ARHGEF37: variants seen among roughly 807,000 people sequenced by gnomAD.
ARHGEF37 encodes the protein Rho guanine nucleotide exchange factor (GEF) 37.
In ARHGEF37, 55 loss-of-function variants were observed where a neutral mutation model predicts 71.1. The observed-to-expected ratio is 0.77, with a 90% CI of 0.62 to 0.97. The LOEUF is 0.97. Among genes scored for constraint, ARHGEF37 ranks in the 50% least tolerant of loss-of-function variants. The pLI is 0.00. For missense variants in ARHGEF37, 765 were observed against 836.8 expected (o/e 0.91, Z 1.06); for synonymous variants, 327 against 350.6 (o/e 0.93, Z 0.75).
At position 149,597,803 on chromosome 5, in the gene ARHGEF37, A is replaced by G; in HGVS notation, c.34A>G (p.Arg12Gly). The change falls in exon 2 of 13, where the codon AGG becomes GGG. Residue 12 changes from arginine to glycine, a missense_variant. Around this residue, in one of 5 missense-constraint regions of ARHGEF37, gnomAD observed 201 missense variants for 217.5 expected, o/e 0.92. Transcript: ENST00000333677. ...GCATGGAGCCGACGAGCCATCCTCC[A>G]GGTCAGGGAGTCCGGACAGGGAAGG... ...AKHGADEPSSRSGSPDREGRA... is the reference protein window; with the variant it reads ...AKHGADEPSSGSGSPDREGRA... The G allele has an allele frequency of 6.3e-7, 1 of 1,577,786 alleles. No homozygotes were observed. Among genetic ancestry groups the G allele is most frequent in the Non-Finnish European group, 8.6e-7 (1 of 1,164,172 alleles).
intron 1 of ARHGEF37, among the ~76,000 whole-genome samples, chr5:149,587,999 C>T (rs557191924): frequency 6.7e-6 from 1 of 150,152 alleles, no homozygotes; most frequent in East Asian, 2.0e-4. Flanking sequence ...TGGGTTCAAG[C>T]GATTCTCCTG....
At chr5:149,597,496 T>C (rs1763581881) in intron 1 of ARHGEF37, among the ~76,000 whole-genome samples, 1 of 152,124 alleles carries the variant, frequency 6.6e-6, no homozygotes, top group South Asian at 2.1e-4. Context: ...TGACATCAGG[T>C]GATCTGCCCA....
intron 1 of ARHGEF37, among the ~76,000 whole-genome samples, chr5:149,590,786 A>T (rs547080395): frequency 1.3e-5 from 2 of 151,898 alleles, no homozygotes; most frequent in African/African-American, 4.8e-5. Flanking sequence ...TTTTATAGAG[A>T]TGGGGTTTCA....
At chr5:149,615,292 C>T (rs956946024) in intron 4 of ARHGEF37, among the ~76,000 whole-genome samples, 1 of 149,296 alleles carries the variant, frequency 6.7e-6, no homozygotes, top group African/African-American at 2.5e-5. Context: ...GTAGCCACCA[C>T]CATGCCTAGT....
intron 12 of ARHGEF37, 24 bp downstream of exon 12, chr5:149,628,990 G>T: frequency 6.2e-7 from 1 of 1,602,110 alleles, no homozygotes. Context: ...AGGGCTGGGG[G>T]CTTGCCTCCC....
chr5:149,561,950 C>G (rs1166698693), intron 1 of ARHGEF37, among the ~76,000 whole-genome samples: 1 of 152,150 alleles, frequency 6.6e-6, no homozygotes, highest in African/African-American at 2.4e-5. Flanking sequence ...CTGTGCTCCT[C>G]GTGACTCATT....
At chr5:149,558,631 C>G (rs1291085538) in intron 1 of ARHGEF37, among the ~76,000 whole-genome samples, 4 of 151,844 alleles carry the variant, frequency 2.6e-5, no homozygotes, top group Non-Finnish European at 4.4e-5. Context: ...GCTGGGATTA[C>G]AGGCGTGAGC....
intron 1 of ARHGEF37, among the ~76,000 whole-genome samples, chr5:149,568,556 G>C (rs996909014): frequency 7.2e-5 from 11 of 152,058 alleles, no homozygotes; most frequent in African/African-American, 2.7e-4. Flanking sequence ...TGGCCGCGTG[G>C]TGACTGATGC....
chr5:149,588,301 C>A (rs2168773), intron 1 of ARHGEF37, among the ~76,000 whole-genome samples: 4,195 of 151,290 alleles, frequency 0.028, 185 homozygotes, highest in African/African-American at 0.097. Context: ...TTAAGATAAT[C>A]CAAGTAAAAT....
chr5:149,557,098 A>G (rs1351326210), intron 1 of ARHGEF37, among the ~76,000 whole-genome samples: 2 of 152,220 alleles, frequency 1.3e-5, no homozygotes, highest in African/African-American at 2.4e-5. Flanking sequence ...AAAGTACCCC[A>G]AAGTCTGAGG....
At chr5:149,630,880 T>C (rs1269414999) in intron 12 of ARHGEF37, among the ~76,000 whole-genome samples, 2 of 152,188 alleles carry the variant, frequency 1.3e-5, no homozygotes, top group African/African-American at 4.8e-5. Flanking sequence ...ATGACAGTAA[T>C]GGTAAAACAA....
intron 11 of ARHGEF37, among the ~76,000 whole-genome samples, chr5:149,628,039 A>C (rs541813166): frequency 6.6e-6 from 1 of 152,360 alleles, no homozygotes; most frequent in East Asian, 1.9e-4. Flanking sequence ...GAGTCAATTA[A>C]AAAATTAAGA....
In ARHGEF37 at chr5:149,625,951, G is replaced by T. The variant is rs189395201; in HGVS notation, c.1465-1125G>T. 7.5e-3 allele frequency among the ~76,000 whole-genome samples: 1,135 copies of T among 152,318 alleles called. 9 individuals are homozygous for T. Among genetic ancestry groups the T allele is most frequent in the African/African-American group, 0.026 (1,071 of 41,554 alleles). On this transcript the variant is annotated intron_variant, in intron 10 of 12. Transcript: ENST00000333677. ...GGGAGGGCCGGTCAGCCTTGAGAAAGAAGGCCAGCATTTGTGACACCACTG... is the reference window on the plus strand; with the variant it reads ...GGGAGGGCCGGTCAGCCTTGAGAAATAAGGCCAGCATTTGTGACACCACTG...
chr5:149,573,912 G>A (rs771223317), intron 1 of ARHGEF37, among the ~76,000 whole-genome samples: 1 of 152,046 alleles, frequency 6.6e-6, no homozygotes, highest in African/African-American at 2.4e-5. Flanking sequence ...GAGATACTGG[G>A]ATTTATTAAC....
intron 1 of ARHGEF37, among the ~76,000 whole-genome samples, chr5:149,556,366 GTATTTATTTATTTATT>G (rs34107862): frequency 2.3e-4 from 33 of 142,754 alleles, no homozygotes; most frequent in African/African-American, 8.1e-4. Context: ...GCTAGTTTTT[GTATTTATTTATTTATT>G]TATTTATTTA....
chr5:149,602,143 G>C (rs546450121), intron 3 of ARHGEF37, among the ~76,000 whole-genome samples: 1 of 149,672 alleles, frequency 6.7e-6, no homozygotes, highest in Non-Finnish European at 1.5e-5. Flanking sequence ...TGCAACCTCC[G>C]CCTCCTGGGT....
chr5:149,601,622 CAG>C (rs1346789590), intron 3 of ARHGEF37, among the ~76,000 whole-genome samples: 1 of 152,150 alleles, frequency 6.6e-6, no homozygotes, highest in Admixed American at 6.5e-5. Flanking sequence ...AAGTTAGTGA[CAG>C]AGACAGAAGA....
intron 4 of ARHGEF37, among the ~76,000 whole-genome samples, chr5:149,615,840 C>T (rs1027244156): frequency 1.3e-5 from 2 of 152,086 alleles, no homozygotes; most frequent in African/African-American, 4.8e-5. Context: ...TGCAGTGAGC[C>T]GAGATCGCAC....
rs552459055 is a variant in ARHGEF37, at chr5:149,609,437, C to T, written c.311-111C>T. ...TTGCCCATGGTGACATGCTGGTAAA[C>T]CCAGCAATCTCACTGGAGAGCTGGA... On this transcript the variant is annotated intron_variant, in intron 3 of 12. Transcript: ENST00000333677. The T allele has an allele frequency of 1.8e-4, 214 of 1,222,484 alleles. 5 individuals carry two copies. In the South Asian group the frequency reaches 2.8e-3, roughly 16 times the overall value. The allele number at this position is 1,222,484 out of a possible 1,614,324, so 75.7% of individuals were successfully genotyped here.
Sources: gnomAD v4.1 joint callset for allele counts (sites outside exome capture counted in the v4.1 genomes callset) on GRCh38, gnomAD v4.1.1 for gene constraint, gnomAD v4.1.1 regional missense constraint, MANE v1.5 for transcripts, NCBI Gene and HGNC (gene_info 2026-07-23, HGNC 2026-07-21) for gene names.